The following NCAPD3 variants were observed in gnomAD, a reference collection of about 807,000 sequenced individuals.
The protein encoded by NCAPD3 is condensin-2 complex subunit D3.
In NCAPD3, 105 loss-of-function variants were observed where a neutral mutation model predicts 182.9. That is an observed-to-expected ratio of 0.57 (90% CI 0.49 to 0.68). The LOEUF (loss-of-function observed/expected upper bound fraction) is 0.68. NCAPD3 is among the 30% of genes least tolerant of loss of function. The pLI is 0.00. For missense variants in NCAPD3, 1,944 were observed against 1,837.0 expected (o/e 1.06, Z -1.07); for synonymous variants, 815 against 679.9 (o/e 1.20, Z -3.09).
intron 4 of NCAPD3, 85 bp downstream of exon 4, chr11:134,210,185 G>A: frequency 8.0e-7 from 1 of 1,243,174 alleles, no homozygotes. Flanking sequence ...CATGATGCCT[G>A]AAACCATGTT....
At chr11:134,154,672 C>G (rs141840424) in intron 32 of NCAPD3, among the ~76,000 whole-genome samples, 1 of 152,082 alleles carries the variant, frequency 6.6e-6, no homozygotes, top group African/African-American at 2.4e-5. Context: ...AGCACACTCC[C>G]GGGAACAGCA....
chr11:134,167,021 GTGAGA>G (rs1404126602), intron 27 of NCAPD3, among the ~76,000 whole-genome samples: 1 of 111,660 alleles, frequency 9.0e-6, no homozygotes, highest in Non-Finnish European at 1.7e-5. Context: ...ACACTCACTA[GTGAGA>G]TGAGCTTGGG....
chr11:134,162,267 G>C (rs1943603981), intron 27 of NCAPD3, among the ~76,000 whole-genome samples: 1 of 152,188 alleles, frequency 6.6e-6, no homozygotes, highest in South Asian at 2.1e-4. Flanking sequence ...TGGAACAGAA[G>C]TCAGCTCGTT....
chr11:134,191,820 T>C (rs1436087875), intron 16 of NCAPD3, among the ~76,000 whole-genome samples: 1 of 152,204 alleles, frequency 6.6e-6, no homozygotes, highest in Non-Finnish European at 1.5e-5. Flanking sequence ...TAATGAGATA[T>C]CTTGGGGATG....
chr11:134,153,199 C>G lies in NCAPD3; in HGVS notation c.4329G>C (p.Glu1443Asp), dbSNP rs1357184813. The change falls in exon 34 of 35, where the codon GAG (glutamate) becomes GAC (aspartate). Residue 1443 changes from glutamate (E) to aspartate (D), a missense_variant and splice_region_variant. Physicochemically the swap from Glu to Asp is conservative, Grantham distance 45. Coordinates refer to ENST00000534548, the MANE Select transcript of NCAPD3 (RefSeq NM_015261.3). ...GTPRTPSSAK[E>D]KIEGRSQGND... Reference sequence around the variant, plus strand: ...TTCCTTGACTCCGGCCTTCAATTTTCTCTAAAAGGGAGTCAAACAAACACA... The same window carrying G: ...TTCCTTGACTCCGGCCTTCAATTTTGTCTAAAAGGGAGTCAAACAAACACA... The G allele has an allele frequency of 6.2e-7, 1 of 1,614,146 alleles. No homozygotes were observed. Among genetic ancestry groups the G allele is most frequent in the South Asian group, 1.1e-5 (1 of 91,078 alleles).
At position 134,194,140 on chromosome 11, in the gene NCAPD3, C is replaced by T. The variant is rs1328316593; in HGVS notation, c.1700G>A (p.Ser567Asn). ...TGAGACATCACAGTGTTTCAAAATACTCACTAATACCTAGAAGGCATAGAC... is the reference window on the plus strand; with the variant it reads ...TGAGACATCACAGTGTTTCAAAATATTCACTAATACCTAGAAGGCATAGAC... ...VRKSALQVLV[S>N]ILKHCDVSGM... is the part of the protein sequence containing the mutation. The change falls in exon 15 of 35, where the codon AGT (serine) becomes AAT (asparagine). Residue 567 changes from serine (S) to asparagine (N), a missense_variant. This residue lies in a region of NCAPD3 where 1,803 missense variants were observed against 1,674.6 expected (regional missense o/e 1.08). Coordinates refer to ENST00000534548, the MANE Select transcript of NCAPD3 (RefSeq NM_015261.3). The T allele has an allele frequency of 1.2e-6, 2 of 1,614,052 alleles. No individual in the cohort carries two copies. Among genetic ancestry groups the T allele is most frequent in the Non-Finnish European group, 1.7e-6 (2 of 1,179,960 alleles).
intron 27 of NCAPD3, among the ~76,000 whole-genome samples, chr11:134,166,066 A>G (rs1239395064): frequency 2.0e-4 from 9 of 45,824 alleles, no homozygotes; most frequent in South Asian, 1.4e-3. Context: ...TTGGGGGAGC[A>G]GCACACTCAC....
intron 3 of NCAPD3, among the ~76,000 whole-genome samples, chr11:134,213,137 G>A (rs1937898918): frequency 6.6e-6 from 1 of 152,084 alleles, no homozygotes; most frequent in Non-Finnish European, 1.5e-5. Context: ...CGACCAGCCT[G>A]GGCAACAACA....
At chr11:134,198,945 C>T (rs936950245) in intron 13 of NCAPD3, among the ~76,000 whole-genome samples, 12 of 151,942 alleles carry the variant, frequency 7.9e-5, no homozygotes, top group South Asian at 2.1e-4. Flanking sequence ...AATTAAAGAC[C>T]GAAAGAAATA....
At chr11:134,170,098 A>G (rs1317880883) in intron 24 of NCAPD3, among the ~76,000 whole-genome samples, 2 of 152,252 alleles carry the variant, frequency 1.3e-5, no homozygotes, top group African/African-American at 4.8e-5. Flanking sequence ...ACACATATCA[A>G]TTAAAAATCA....
rs138602263 is a variant in NCAPD3, at chr11:134,167,734, G to A, written c.3573+262C>T. Among the ~76,000 whole-genome samples the A allele has an allele frequency of 6.0e-3, 821 of 137,884 alleles. 6 individuals are homozygous for A. The highest frequency in any genetic ancestry group is 0.022 in the African/African-American group (791 of 36,082). The allele number at this position is 137,884 out of a possible 152,430, so 90.5% of individuals were successfully genotyped here. A position where few individuals can be genotyped will look rare whatever the true frequency, so the allele number is the denominator to read the frequency against. On this transcript the variant is annotated intron_variant, in intron 27 of 34. Coordinates refer to ENST00000534548, the MANE Select transcript of NCAPD3 (RefSeq NM_015261.3). ...GTGAGCTTGGGGGAGGCGCACACTC[G>A]TGAGATGAGCTTAGGGAGAGCAGCA...
At chr11:134,172,681 G>C (rs1487143749) in intron 24 of NCAPD3, among the ~76,000 whole-genome samples, 3 of 152,078 alleles carry the variant, frequency 2.0e-5, no homozygotes, top group Admixed American at 6.5e-5. Flanking sequence ...CCACCTATCG[G>C]GCAGACAGGA....
rs543578573 is a variant in NCAPD3 at position 134,170,989 on chromosome 11, G to T, written c.3102-1935C>A. ...GAGAAGAGGGACTATTTTGTTTCTT[G>T]TTTGTCTGCTGAAAAGTTAGGAGAA... On this transcript the variant is annotated intron_variant, in intron 24 of 34. Transcript: ENST00000534548. Among the ~76,000 whole-genome samples the T allele has an allele frequency of 1.1e-4, 17 of 152,302 alleles. No individual in the cohort carries two copies. In the South Asian group the frequency reaches 3.5e-3, roughly 32 times the overall value.
At chr11:134,225,098 G>A, upstream of NCAPD3, 2 of 1,578,938 alleles carry the variant, frequency 1.3e-6, no homozygotes, top group Non-Finnish European at 1.7e-6. Flanking sequence ...GGTCCTTACC[G>A]AGACCCGCCC....
In NCAPD3 at chr11:134,153,001, G is replaced by GTCTT; in HGVS notation, c.4436_4439dup (p.Asp1480GlufsTer82). On this transcript the variant is annotated frameshift_variant, in exon 35 of 35. Coordinates refer to ENST00000534548, the MANE Select transcript of NCAPD3 (RefSeq NM_015261.3). LOFTEE classifies it high-confidence loss of function. ...GGGACCTCCTGCTGCAGGCTGGAGT[G>GTCTT]TCTTTATTCCTGGCGGGAGACCGCA... is the stretch of plus-strand genomic sequence containing the variant. 1 of 1,590,970 alleles carries GTCTT rather than the reference G, an allele frequency of 6.3e-7. No homozygotes were observed. Among genetic ancestry groups the GTCTT allele is most frequent in the Non-Finnish European group, 8.6e-7 (1 of 1,166,776 alleles).
chr11:134,194,092 A>T lies in NCAPD3; in HGVS notation c.1748T>A (p.Ile583Asn). 1 of 1,614,188 alleles carries T rather than the reference A, an allele frequency of 6.2e-7. No individual in the cohort carries two copies. The highest frequency in any genetic ancestry group is 8.5e-7 in the Non-Finnish European group (1 of 1,179,964). Residue 583 changes from isoleucine to asparagine, a missense_variant, in exon 15 of 35, where the codon ATT (isoleucine) becomes AAT (asparagine). This residue lies in a region of NCAPD3 where 1,803 missense variants were observed against 1,674.6 expected (regional missense o/e 1.08). Coordinates refer to ENST00000534548, the MANE Select transcript of NCAPD3 (RefSeq NM_015261.3). ...DVSGMKEDLW[I>N]LQDQCRDPAV... The stretch of plus-strand genomic sequence containing the variant: ...AGGGTCCCGACACTGGTCCTGCAGA[A>T]TCCACAGGTCTTCCTTCATGCCTGA...
upstream of NCAPD3, chr11:134,224,435 GAAGAC>G (rs1229497458): frequency 4.7e-5 from 8 of 170,356 alleles, no homozygotes; most frequent in South Asian, 7.9e-4. Context: ...AGCACTCCGA[GAAGAC>G]AAGACAACTG....
At chr11:134,156,004 A>C (rs753125654) in intron 32 of NCAPD3, among the ~76,000 whole-genome samples, 51 of 151,870 alleles carry the variant, frequency 3.4e-4, no homozygotes, top group Non-Finnish European at 5.0e-4. Flanking sequence ...CTCCACACAC[A>C]TGAGCTGACT....
At chr11:134,198,630 G>C (rs1944685595) in intron 13 of NCAPD3, among the ~76,000 whole-genome samples, 2 of 152,156 alleles carry the variant, frequency 1.3e-5, no homozygotes, top group Admixed American at 1.3e-4. Context: ...AAAAAGAAAT[G>C]AAAGATATCC....
Sources: allele counts gnomAD v4.1 joint callset (sites outside exome capture counted in the v4.1 genomes callset), GRCh38; gene constraint gnomAD v4.1.1; regional missense constraint gnomAD v4.1.1; transcripts MANE v1.5; gene names NCBI Gene and HGNC (gene_info 2026-07-23, HGNC 2026-07-21).